Variants in TEX9 observed in about 807,000 individuals in gnomAD.
TEX9 encodes testis-expressed protein 9.
Under a neutral mutation model 59.6 loss-of-function variants are expected in TEX9, and 74 were observed. The ratio of observed to expected loss-of-function variants is 1.24; its 90% confidence interval spans 1.03 to 1.51. The LOEUF is 1.51. Among genes scored for constraint, TEX9 ranks in the 40% most tolerant of loss-of-function variants. TEX9 has a pLI of 0.00. For synonymous variants in TEX9, 186 were observed against 152.2 expected (o/e 1.22, Z -1.64); for missense variants, 522 against 447.8 (o/e 1.17, Z -1.49).
At chr15:56,404,968 C>T (rs1238880958) in intron 9 of TEX9, among the ~76,000 whole-genome samples, 1 of 151,988 alleles carries the variant, frequency 6.6e-6, no homozygotes, top group Admixed American at 6.6e-5. Context: ...ACATCACACA[C>T]CAGGGCCTGT....
chr15:56,440,654 A>C (rs1328182861), intron 12 of TEX9, among the ~76,000 whole-genome samples: 1 of 152,218 alleles, frequency 6.6e-6, no homozygotes, highest in African/African-American at 2.4e-5. Flanking sequence ...CAAATGATCA[A>C]TACAAGCAAC....
chr15:56,338,704 G>A (rs1243463376), intron 1 of TEX9, among the ~76,000 whole-genome samples: 6 of 152,106 alleles, frequency 3.9e-5, no homozygotes, highest in Admixed American at 3.9e-4. Context: ...ATCACCTGAG[G>A]TCAGGAGTTT....
At chr15:56,316,126 C>T (rs1172543791) in intron 1 of TEX9, among the ~76,000 whole-genome samples, 6 of 146,320 alleles carry the variant, frequency 4.1e-5, no homozygotes, top group African/African-American at 1.2e-4. Context: ...GTAATTTGAT[C>T]GTCTGAAGCC....
At chr15:56,453,161 C>T in the TEX9 span, among the ~76,000 whole-genome samples, 1 of 152,014 alleles carries the variant, frequency 6.6e-6, no homozygotes, top group Non-Finnish European at 1.5e-5. Flanking sequence ...CATTTACTTC[C>T]TATCTCATTT....
At chr15:56,365,793 C>A (rs1274724451) in intron 2 of TEX9, 123 bp downstream of exon 2, 1 of 1,473,078 alleles carries the variant, frequency 6.8e-7, no homozygotes, top group Non-Finnish European at 9.0e-7. Context: ...ATTCCCTTCT[C>A]GTCATCTCGT....
At chr15:56,426,102 C>G (rs1478598396) in intron 10 of TEX9, among the ~76,000 whole-genome samples, 1 of 152,154 alleles carries the variant, frequency 6.6e-6, no homozygotes. Context: ...CTCACTACAC[C>G]TCTCACATTC....
chr15:56,304,264 A>G (rs1219575958), intron 1 of TEX9, among the ~76,000 whole-genome samples: 8 of 152,278 alleles, frequency 5.3e-5, no homozygotes, highest in Middle Eastern at 6.8e-3. Flanking sequence ...TGCTCTAGCT[A>G]GGACTTCCAG....
At chr15:56,299,177 G>A (rs1249281892) in intron 1 of TEX9, among the ~76,000 whole-genome samples, 1 of 152,208 alleles carries the variant, frequency 6.6e-6, no homozygotes, top group Non-Finnish European at 1.5e-5. Flanking sequence ...CCATGCCCCA[G>A]CAGTAGCAAT....
chr15:56,451,096 A>T, the TEX9 span, among the ~76,000 whole-genome samples: 1 of 152,216 alleles, frequency 6.6e-6, no homozygotes, highest in Non-Finnish European at 1.5e-5. Flanking sequence ...TTGAATTGTA[A>T]GAGTTCTTTA....
At chr15:56,443,643 T>G (rs2050856537) in intron 12 of TEX9, 1 of 1,611,720 alleles carries the variant, frequency 6.2e-7, no homozygotes, top group Non-Finnish European at 8.5e-7. Flanking sequence ...AATACCGCAT[T>G]CTGAAGCTGT....
At chr15:56,404,799 G>T (rs1411282941) in intron 9 of TEX9, among the ~76,000 whole-genome samples, 1 of 152,146 alleles carries the variant, frequency 6.6e-6, no homozygotes, top group Non-Finnish European at 1.5e-5. Context: ...ATACTCTGCA[G>T]CCATAAAAAA....
At chr15:56,263,068 G>T (rs1201196567) in intron 1 of TEX9, among the ~76,000 whole-genome samples, 8 of 152,112 alleles carry the variant, frequency 5.3e-5, no homozygotes, top group African/African-American at 1.9e-4. Context: ...TTGTTGCCCA[G>T]GCTGGAGTGC....
the TEX9 span, among the ~76,000 whole-genome samples, chr15:56,457,703 G>A: frequency 6.6e-6 from 1 of 151,684 alleles, no homozygotes; most frequent in Non-Finnish European, 1.5e-5. Flanking sequence ...AGTTCTAGCT[G>A]TATCAGGAGG....
At chr15:56,440,919 T>C (rs865824067) in intron 12 of TEX9, among the ~76,000 whole-genome samples, 77 of 152,308 alleles carry the variant, frequency 5.1e-4, no homozygotes, top group African/African-American at 1.7e-3. Flanking sequence ...ATTTCTACTT[T>C]TAGACTATTG....
intron 1 of TEX9, among the ~76,000 whole-genome samples, chr15:56,320,190 A>G (rs1348085406): frequency 6.6e-6 from 1 of 152,206 alleles, no homozygotes; most frequent in Non-Finnish European, 1.5e-5. Flanking sequence ...CTGCAATGGA[A>G]TTATTCTCTA....
intron 1 of TEX9, among the ~76,000 whole-genome samples, chr15:56,253,249 C>T (rs1239876979): frequency 6.6e-6 from 1 of 151,756 alleles, no homozygotes; most frequent in Non-Finnish European, 1.5e-5. Context: ...GAAAGAGGCA[C>T]CATTGGATGG....
At chr15:56,332,628 G>A (rs1166255593) in intron 1 of TEX9, among the ~76,000 whole-genome samples, 2 of 134,040 alleles carry the variant, frequency 1.5e-5, no homozygotes, top group Non-Finnish European at 3.3e-5. Context: ...AAAAAAAAAA[G>A]AACTAGAAAA....
At chr15:56,448,505 C>T (rs192676190), downstream of TEX9, among the ~76,000 whole-genome samples, 76 of 152,200 alleles carry the variant, frequency 5.0e-4, no homozygotes, top group African/African-American at 1.8e-3. Flanking sequence ...TCTGTTACTG[C>T]GTTAATTTGC....
At chr15:56,338,450 C>G (rs1469806337) in intron 1 of TEX9, among the ~76,000 whole-genome samples, 5 of 152,196 alleles carry the variant, frequency 3.3e-5, no homozygotes, top group Admixed American at 3.3e-4. Flanking sequence ...ATCTCATGGT[C>G]ACGGATCCAC....
Sources: gnomAD v4.1 joint callset for allele counts (sites outside exome capture counted in the v4.1 genomes callset) on GRCh38, gnomAD v4.1.1 for gene constraint, MANE v1.5 for transcripts, NCBI Gene and HGNC (gene_info 2026-07-23, HGNC 2026-07-21) for gene names.